Variants in MAGI2 observed in about 807,000 individuals in gnomAD.
MAGI2 encodes the protein membrane-associated guanylate kinase, WW and PDZ domain-containing protein 2.
In MAGI2, 35 loss-of-function variants were observed where a neutral mutation model predicts 133.3. The ratio of observed to expected loss-of-function variants is 0.26; its 90% CI spans 0.20 to 0.35. The LOEUF (loss-of-function observed/expected upper bound fraction) is 0.35, where lower values mean the gene tolerates loss of function less well. MAGI2 is among the 10% of genes least tolerant of loss of function. MAGI2 has a pLI of 1.00. For synonymous variants in MAGI2, 729 were observed against 710.6 expected (o/e 1.03, Z -0.41); for missense variants, 1,636 against 1,863.4 (o/e 0.88, Z 2.25).
intron 10 of MAGI2, among the ~76,000 whole-genome samples, chr7:78,231,094 T>C (rs1243314550): frequency 6.6e-6 from 1 of 152,090 alleles, no homozygotes; most frequent in Non-Finnish European, 1.5e-5. Flanking sequence ...ACTTGGGAGA[T>C]GATGTTAAAA....
intron 10 of MAGI2, among the ~76,000 whole-genome samples, chr7:78,237,771 G>A (rs1790706398): frequency 1.3e-5 from 2 of 151,960 alleles, no homozygotes; most frequent in South Asian, 2.1e-4. Flanking sequence ...TGTGTATTCC[G>A]CCTCATCCCT....
intron 1 of MAGI2, among the ~76,000 whole-genome samples, chr7:79,181,664 C>G (rs574901822): frequency 6.6e-6 from 1 of 152,118 alleles, no homozygotes; most frequent in African/African-American, 2.4e-5. Flanking sequence ...ATGCAAATTT[C>G]TGTAGCCAGC....
chr7:78,434,092 T>C (rs985421616), intron 6 of MAGI2, among the ~76,000 whole-genome samples: 2 of 152,306 alleles, frequency 1.3e-5, no homozygotes, highest in East Asian at 1.9e-4. Context: ...TTTTCAGATA[T>C]AGATTCTTAG....
chr7:79,153,467 C>CA (rs1483485772), intron 1 of MAGI2, among the ~76,000 whole-genome samples: 1 of 152,128 alleles, frequency 6.6e-6, no homozygotes, highest in African/African-American at 2.4e-5. Flanking sequence ...GTCATGAAAT[C>CA]ACATAGCAGA....
chr7:79,078,729 C>T (rs1584876477), intron 1 of MAGI2, among the ~76,000 whole-genome samples: 1 of 152,122 alleles, frequency 6.6e-6, no homozygotes, highest in Non-Finnish European at 1.5e-5. Context: ...AATTTAACTA[C>T]TATAAACCAA....
At chr7:78,303,480 T>C (rs1327665930) in intron 9 of MAGI2, among the ~76,000 whole-genome samples, 1 of 148,890 alleles carries the variant, frequency 6.7e-6, no homozygotes, top group African/African-American at 2.5e-5. Flanking sequence ...ATAGTTATCA[T>C]CATCTCTCTG....
At chr7:79,189,309 AG>A (rs1447146531) in intron 1 of MAGI2, among the ~76,000 whole-genome samples, 16 of 134,946 alleles carry the variant, frequency 1.2e-4, no homozygotes, top group African/African-American at 4.6e-4. Flanking sequence ...CCATTTTTAT[AG>A]GCAAAAAAAA....
chr7:79,099,121 T>G (rs549462416), intron 1 of MAGI2, among the ~76,000 whole-genome samples: 1 of 152,148 alleles, frequency 6.6e-6, no homozygotes, highest in African/African-American at 2.4e-5. Context: ...AATTCAAGCT[T>G]TCCCTTTAGC....
At chr7:78,977,090 T>G (rs1167604505) in intron 2 of MAGI2, among the ~76,000 whole-genome samples, 2 of 151,624 alleles carry the variant, frequency 1.3e-5, no homozygotes, top group Non-Finnish European at 3.0e-5. Context: ...TAAGAAAATG[T>G]TTCTAAAATT....
intron 2 of MAGI2, among the ~76,000 whole-genome samples, chr7:78,828,414 A>C (rs1790855914): frequency 6.6e-6 from 1 of 152,204 alleles, no homozygotes; most frequent in South Asian, 2.1e-4. Context: ...CCAACACACA[A>C]TTCTACCCTA....
At chr7:79,234,867 G>A (rs913071426) in intron 1 of MAGI2, among the ~76,000 whole-genome samples, 16 of 151,576 alleles carry the variant, frequency 1.1e-4, no homozygotes, top group Middle Eastern at 3.2e-3. Context: ...GAGGAGAGGC[G>A]CTCTGCGTTT....
At chr7:78,545,208 G>C (rs1026206521) in intron 3 of MAGI2, among the ~76,000 whole-genome samples, 11 of 127,372 alleles carry the variant, frequency 8.6e-5, no homozygotes, top group Non-Finnish European at 1.7e-4. Context: ...ATAATAACCT[G>C]ATTCTTTTTT....
At chr7:78,476,595 C>A (rs1235327515) in intron 6 of MAGI2, among the ~76,000 whole-genome samples, 3 of 151,956 alleles carry the variant, frequency 2.0e-5, no homozygotes, top group Admixed American at 2.0e-4. Flanking sequence ...GGTTCTAAAT[C>A]TATTTAGGTT....
Position 78,195,163 on chromosome 7 carries a change from T to C in MAGI2, c.2080-100A>G, listed in dbSNP as rs1584345982. 3 of 906,110 alleles carry C rather than the reference T, an allele frequency of 3.3e-6. No individual in the cohort carries two copies. In the East Asian group the frequency reaches 8.5e-5, roughly 26 times the overall value. The allele number at this position is 906,110 out of a possible 1,614,324, so 56.1% of individuals were successfully genotyped here. A position where few individuals can be genotyped will look rare whatever the true frequency, so the allele number is the denominator to read the frequency against. On this transcript the variant is annotated intron_variant, in intron 11 of 21. Coordinates refer to ENST00000354212, the MANE Select transcript of MAGI2 (RefSeq NM_012301.4). ...ACCTTTTTTGCCTTGTGGACTTTTCTTCCAGGGGATGGGTAAAACTTTGGC... is the reference window on the plus strand; with the variant it reads ...ACCTTTTTTGCCTTGTGGACTTTTCCTCCAGGGGATGGGTAAAACTTTGGC...
intron 21 of MAGI2, among the ~76,000 whole-genome samples, chr7:78,062,405 T>C (rs979487097): frequency 6.6e-6 from 1 of 152,252 alleles, no homozygotes; most frequent in African/African-American, 2.4e-5. Flanking sequence ...GAGTGCTATG[T>C]GCCTGGCATT....
intron 4 of MAGI2, among the ~76,000 whole-genome samples, chr7:78,513,781 G>A (rs1795803824): frequency 1.3e-5 from 2 of 152,064 alleles, no homozygotes; most frequent in South Asian, 4.2e-4. Flanking sequence ...TGCATGCAAT[G>A]CTGAATCTGT....
intron 2 of MAGI2, among the ~76,000 whole-genome samples, chr7:78,740,021 C>T (rs1401077822): frequency 6.6e-6 from 1 of 151,970 alleles, no homozygotes; most frequent in Non-Finnish European, 1.5e-5. Flanking sequence ...ATTAGCTGGG[C>T]GTGGTGGCGG....
intron 3 of MAGI2, among the ~76,000 whole-genome samples, chr7:78,528,040 A>G (rs563366881): frequency 3.3e-4 from 50 of 152,316 alleles, no homozygotes; most frequent in African/African-American, 1.1e-3. Flanking sequence ...ATAGTGGTTC[A>G]GCAGAAGAGA....
chr7:78,641,989 A>T (rs1810365167), intron 2 of MAGI2, among the ~76,000 whole-genome samples: 1 of 152,118 alleles, frequency 6.6e-6, no homozygotes, highest in Non-Finnish European at 1.5e-5. Context: ...TATCTTGTTG[A>T]CCTTGCTTCC....
Sources: gnomAD v4.1 joint callset for allele counts (sites outside exome capture counted in the v4.1 genomes callset) on GRCh38, gnomAD v4.1.1 for gene constraint, MANE v1.5 for transcripts, NCBI Gene and HGNC (gene_info 2026-07-23, HGNC 2026-07-21) for gene names.